Variants in PIK3C3 observed in about 807,000 individuals in gnomAD.
The protein encoded by PIK3C3 is PI3-kinase type 3.
PIK3C3 carries 95 observed loss-of-function variants against 126.1 expected under a neutral mutation model. The observed-to-expected ratio is 0.75, with a 90% CI of 0.64 to 0.89. The LOEUF is 0.89. PIK3C3 is among the 40% of genes least tolerant of loss of function. The pLI, the probability that PIK3C3 is intolerant of heterozygous loss-of-function variation, is 0.00. For synonymous variants in PIK3C3, 374 were observed against 360.0 expected (o/e 1.04, Z -0.44); for missense variants, 829 against 1,063.2 (o/e 0.78, Z 3.06).
intron 20 of PIK3C3, among the ~76,000 whole-genome samples, chr18:42,044,449 C>A (rs953659505): frequency 6.6e-6 from 1 of 151,424 alleles, no homozygotes; most frequent in Non-Finnish European, 1.5e-5. Flanking sequence ...CACTCTGTCA[C>A]CCGGGCTGGC....
chr18:42,012,488 A>C (rs1982874620), intron 10 of PIK3C3, among the ~76,000 whole-genome samples: 1 of 152,186 alleles, frequency 6.6e-6, no homozygotes, highest in Non-Finnish European at 1.5e-5. Flanking sequence ...AACAGGGTGA[A>C]TGACAATTAG....
chr18:42,011,356 T>C (rs1366980366), intron 10 of PIK3C3, among the ~76,000 whole-genome samples: 2 of 152,252 alleles, frequency 1.3e-5, no homozygotes, highest in Non-Finnish European at 2.9e-5. Context: ...CTTGTTGCAG[T>C]TTCTACATCA....
intron 11 of PIK3C3, 76 bp downstream of exon 11, chr18:42,013,672 C>T: frequency 9.1e-7 from 1 of 1,102,166 alleles, no homozygotes. Flanking sequence ...CTTTTCCTTT[C>T]CTTAGATGTA....
At chr18:42,001,803 G>A (rs190879264) in intron 9 of PIK3C3, among the ~76,000 whole-genome samples, 2 of 152,084 alleles carry the variant, frequency 1.3e-5, no homozygotes, top group Non-Finnish European at 2.9e-5. Context: ...GTACATACCC[G>A]CACATTTCTA....
intron 9 of PIK3C3, among the ~76,000 whole-genome samples, chr18:41,997,140 G>A (rs1982066296): frequency 6.6e-6 from 1 of 152,086 alleles, no homozygotes; most frequent in Non-Finnish European, 1.5e-5. Context: ...GTAAATGCTG[G>A]TTCTCTTCTT....
chr18:42,078,005 G>A (rs1328787048), intron 24 of PIK3C3, among the ~76,000 whole-genome samples: 2 of 152,166 alleles, frequency 1.3e-5, no homozygotes, highest in African/African-American at 4.8e-5. Flanking sequence ...AGAGCTCTTG[G>A]ATGACTGGGT....
intron 12 of PIK3C3, among the ~76,000 whole-genome samples, chr18:42,015,968 T>C (rs958699450): frequency 1.3e-5 from 2 of 152,180 alleles, no homozygotes; most frequent in African/African-American, 4.8e-5. Context: ...ACTATACATA[T>C]AAGTAGACAC....
At chr18:41,965,452 C>T (rs778079291) in intron 3 of PIK3C3, among the ~76,000 whole-genome samples, 92 of 152,186 alleles carry the variant, frequency 6.0e-4, no homozygotes, top group Middle Eastern at 3.4e-3. Context: ...TGGCTTCTGG[C>T]ACGTTTTTTT....
At chr18:41,962,666 T>C in intron 3 of PIK3C3, 34 bp downstream of exon 3, 1 of 1,588,748 alleles carries the variant, frequency 6.3e-7, no homozygotes, top group Non-Finnish European at 8.6e-7. Flanking sequence ...TGTAGGAGTG[T>C]AGCAGCTTTC....
At chr18:42,069,102 G>T (rs1985668166) in intron 24 of PIK3C3, among the ~76,000 whole-genome samples, 1 of 152,098 alleles carries the variant, frequency 6.6e-6, no homozygotes, top group Non-Finnish European at 1.5e-5. Flanking sequence ...AGGAATTCCT[G>T]CCTCTAGATG....
At chr18:41,958,226 A>G (rs1979891846) in intron 2 of PIK3C3, among the ~76,000 whole-genome samples, 1 of 152,228 alleles carries the variant, frequency 6.6e-6, no homozygotes, top group African/African-American at 2.4e-5. Flanking sequence ...TTTATTCAGC[A>G]TGGCACATTA....
At chr18:42,066,721 T>C (rs1204117195) in intron 23 of PIK3C3, among the ~76,000 whole-genome samples, 1 of 152,206 alleles carries the variant, frequency 6.6e-6, no homozygotes, top group Non-Finnish European at 1.5e-5. Context: ...TATACGCACA[T>C]AAATATACAT....
chr18:41,994,911 A>T (rs1981954653), intron 7 of PIK3C3, among the ~76,000 whole-genome samples: 1 of 151,978 alleles, frequency 6.6e-6, no homozygotes, highest in African/African-American at 2.4e-5. Context: ...AGTGGCACGT[A>T]CCTGTAGTCC....
chr18:42,003,996 T>C (rs909796721), intron 9 of PIK3C3, among the ~76,000 whole-genome samples: 2 of 152,198 alleles, frequency 1.3e-5, no homozygotes, highest in African/African-American at 2.4e-5. Context: ...TTGTAAAATA[T>C]AGGTTTTCTC....
chr18:42,065,153 A>G (rs1296748468), intron 23 of PIK3C3, among the ~76,000 whole-genome samples: 1 of 152,236 alleles, frequency 6.6e-6, no homozygotes, highest in Non-Finnish European at 1.5e-5. Flanking sequence ...AGAACACAAC[A>G]GAATTCATAG....
chr18:42,024,891 C>T (rs1983487445), intron 13 of PIK3C3, among the ~76,000 whole-genome samples: 1 of 151,752 alleles, frequency 6.6e-6, no homozygotes, highest in African/African-American at 2.4e-5. Context: ...GCAAGCTCTG[C>T]CTCACGAGTT....
intron 3 of PIK3C3, among the ~76,000 whole-genome samples, chr18:41,965,087 AC>A (rs1413477244): frequency 6.6e-6 from 1 of 152,180 alleles, no homozygotes; most frequent in Admixed American, 6.5e-5. Context: ...CAGAGTGTTT[AC>A]CCCTTATTTT....
chr18:42,002,726 T>G (rs1384121819), intron 9 of PIK3C3, among the ~76,000 whole-genome samples: 1 of 152,186 alleles, frequency 6.6e-6, no homozygotes, highest in Admixed American at 6.6e-5. Flanking sequence ...CTAAGATCAC[T>G]TCCAACTTGA....
At position 42,015,551 on chromosome 18, in the gene PIK3C3, T is replaced by C. The variant is rs770816151; in HGVS notation, c.1401T>C (p.Asp467=). The C allele has an allele frequency of 3.1e-6, 5 of 1,613,382 alleles. No homozygotes were observed. In the African/African-American group the frequency reaches 4.0e-5, roughly 13 times the overall value. The stretch of plus-strand genomic sequence containing the variant: ...CATCAAAAACAAAAGAAGTTCCAGA[T>C]GGCGAAAATCTGGAAGTGAGTACAA... The part of the protein sequence containing the change: ...PPASKTKEVP[D]GENLEQDLCT... The change falls in exon 12 of 25, where the codon GAT becomes GAC. Residue 467 remains aspartate, a synonymous_variant. Coordinates refer to ENST00000262039, the MANE Select transcript of PIK3C3 (RefSeq NM_002647.4).
Sources: gnomAD v4.1 joint callset for allele counts (sites outside exome capture counted in the v4.1 genomes callset) on GRCh38, gnomAD v4.1.1 for gene constraint, MANE v1.5 for transcripts, NCBI Gene and HGNC (gene_info 2026-07-23, HGNC 2026-07-21) for gene names.